Variants in DDX10 observed in about 807,000 individuals in gnomAD.
DDX10 encodes the protein DEAD-box helicase 10, also known as probable ATP-dependent RNA helicase DDX10.
Under a neutral mutation model 104.3 loss-of-function variants are expected in DDX10, and 74 were observed. The observed-to-expected ratio is 0.71, with a 90% confidence interval of 0.59 to 0.86. DDX10 has a LOEUF of 0.86. Among genes scored for constraint, DDX10 ranks in the 40% least tolerant of loss-of-function variants. DDX10 has a pLI of 0.00. For synonymous variants in DDX10, 351 were observed against 353.4 expected (o/e 0.99, Z 0.08); for missense variants, 952 against 1,040.0 (o/e 0.92, Z 1.16).
rs544537296 is a variant in DDX10, at chr11:108,689,119, C to A, written c.975+57C>A. ...ATGTTGAATGTCCCTTTTGAAATGG[C>A]AAATCAATTAGACAAATTATTATAT... On this transcript the variant is annotated intron_variant, in intron 7 of 17. Coordinates refer to ENST00000322536, the MANE Select transcript of DDX10 (RefSeq NM_004398.4). 1.7e-4 allele frequency: 264 copies of A among 1,557,216 alleles called. 4 individuals carry two copies. The South Asian group carries it at 2.7e-3, about 16-fold the overall frequency.
At chr11:108,918,133 T>C (rs1329578832) in intron 17 of DDX10, 115 bp downstream of exon 17, 2 of 1,038,570 alleles carry the variant, frequency 1.9e-6, no homozygotes, top group Non-Finnish European at 2.9e-6. Flanking sequence ...TTGCTTTTTT[T>C]TGATACCTTT....
At chr11:108,896,547 G>T (rs949502411) in intron 16 of DDX10, among the ~76,000 whole-genome samples, 1 of 152,126 alleles carries the variant, frequency 6.6e-6, no homozygotes, top group Admixed American at 6.6e-5. Context: ...TTTGGAAGTT[G>T]TCTGATTGGT....
chr11:108,783,731 G>A (rs2134541687), intron 13 of DDX10, among the ~76,000 whole-genome samples: 1 of 152,130 alleles, frequency 6.6e-6, no homozygotes, highest in Admixed American at 6.5e-5. Flanking sequence ...TTGTTACATG[G>A]CTGTATTGCA....
chr11:108,734,523 A>G (rs1173774638), intron 13 of DDX10, among the ~76,000 whole-genome samples: 2 of 152,084 alleles, frequency 1.3e-5, no homozygotes, highest in East Asian at 1.9e-4. Context: ...TGAGGATGTA[A>G]ATTTTCAGTG....
chr11:108,868,982 T>TC (rs397848812), intron 16 of DDX10, among the ~76,000 whole-genome samples: 18 of 151,308 alleles, frequency 1.2e-4, no homozygotes, highest in African/African-American at 1.9e-4. Context: ...TTTTTTTTTT[T>TC]CCTGACTGCT....
chr11:108,832,326 T>C (rs1295544151), intron 13 of DDX10, among the ~76,000 whole-genome samples: 2 of 152,176 alleles, frequency 1.3e-5, no homozygotes, highest in African/African-American at 4.8e-5. Flanking sequence ...TTTACTAAAA[T>C]TGATTACATA....
At chr11:108,834,927 C>CA (rs56174572) in intron 13 of DDX10, among the ~76,000 whole-genome samples, 20,947 of 62,200 alleles carry the variant, frequency 0.34, 5,635 homozygotes, top group African/African-American at 0.7. Flanking sequence ...GACTCCATCT[C>CA]AAAAAAAAAA....
intron 15 of DDX10, among the ~76,000 whole-genome samples, chr11:108,849,356 G>A (rs565618178): frequency 6.6e-6 from 1 of 152,076 alleles, no homozygotes; most frequent in Admixed American, 6.6e-5. Flanking sequence ...TCACGCAAAG[G>A]AATATACTTT....
chr11:108,671,634 CA>C (rs1356834662), intron 1 of DDX10, among the ~76,000 whole-genome samples: 1 of 152,108 alleles, frequency 6.6e-6, no homozygotes, highest in Non-Finnish European at 1.5e-5. Flanking sequence ...ACTACATAGA[CA>C]ATAAATAAAT....
chr11:108,811,480 C>G (rs1034693685), intron 13 of DDX10, among the ~76,000 whole-genome samples: 3 of 152,140 alleles, frequency 2.0e-5, no homozygotes, highest in Non-Finnish European at 2.9e-5. Flanking sequence ...TTCCATCTCT[C>G]AGGATTTATT....
intron 17 of DDX10, among the ~76,000 whole-genome samples, chr11:108,937,308 G>A (rs903650904): frequency 2.0e-5 from 3 of 152,148 alleles, no homozygotes; most frequent in Non-Finnish European, 4.4e-5. Context: ...TTATTCTGGG[G>A]TGATGGTGTA....
intron 15 of DDX10, among the ~76,000 whole-genome samples, chr11:108,844,373 T>C (rs1056791473): frequency 2.0e-5 from 3 of 152,232 alleles, no homozygotes; most frequent in Non-Finnish European, 4.4e-5. Flanking sequence ...AACACACATA[T>C]GTATTTGTGT....
At chr11:108,765,413 C>T (rs1372882479) in intron 13 of DDX10, among the ~76,000 whole-genome samples, 1 of 152,184 alleles carries the variant, frequency 6.6e-6, no homozygotes, top group East Asian at 1.9e-4. Context: ...AGATTACTTA[C>T]AGCTCTTTCA....
chr11:108,838,645 T>A, intron 14 of DDX10, 80 bp downstream of exon 14: 1 of 1,442,828 alleles, frequency 6.9e-7, no homozygotes. Context: ...TTAGCACTCA[T>A]TAATGATAGA....
At chr11:108,781,442 T>A (rs2094377988) in intron 13 of DDX10, among the ~76,000 whole-genome samples, 1 of 152,186 alleles carries the variant, frequency 6.6e-6, no homozygotes, top group South Asian at 2.1e-4. Context: ...GATTGCTGGG[T>A]TGAATGGTAG....
intron 13 of DDX10, among the ~76,000 whole-genome samples, chr11:108,833,082 A>C (rs955457305): frequency 6.6e-6 from 1 of 152,236 alleles, no homozygotes; most frequent in African/African-American, 2.4e-5. Flanking sequence ...ACGTGGAACT[A>C]AGACTCTCTT....
chr11:108,762,328 GTAC>G lies in DDX10; in HGVS notation c.1965+38868_1965+38870del, dbSNP rs1376227772. Among the ~76,000 whole-genome samples, 9 of 152,306 alleles carry G rather than the reference GTAC, an allele frequency of 5.9e-5. No individual in the cohort carries two copies. In the East Asian group the frequency reaches 1.5e-3, roughly 26 times the overall value. ...AGTTACTTTCCCACTTAGGACCAGT[GTAC>G]TGTCAGGTAAATGGTGTGGCTCATT... On this transcript the variant is annotated intron_variant, in intron 13 of 17. Coordinates refer to ENST00000322536, the MANE Select transcript of DDX10 (RefSeq NM_004398.4).
At chr11:108,863,672 C>T (rs1310805011) in intron 16 of DDX10, among the ~76,000 whole-genome samples, 1 of 152,152 alleles carries the variant, frequency 6.6e-6, no homozygotes, top group East Asian at 1.9e-4. Context: ...CTATTGATCC[C>T]AGCCTCCTGG....
At chr11:108,871,776 A>T (rs112380511) in intron 16 of DDX10, among the ~76,000 whole-genome samples, 6 of 152,278 alleles carry the variant, frequency 3.9e-5, no homozygotes, top group Non-Finnish European at 8.8e-5. Context: ...TAAAAATACA[A>T]AACTAGCCGG....
Sources: allele counts gnomAD v4.1 joint callset (sites outside exome capture counted in the v4.1 genomes callset), GRCh38; gene constraint gnomAD v4.1.1; transcripts MANE v1.5; gene names NCBI Gene and HGNC (gene_info 2026-07-23, HGNC 2026-07-21).